Variants in SLC25A48 observed in about 807,000 individuals in gnomAD.
SLC25A48 encodes the protein CTC-321K16.1.
SLC25A48 carries 29 observed loss-of-function variants against 32.2 expected under a neutral mutation model. The ratio of observed to expected loss-of-function variants is 0.90; its 90% CI spans 0.67 to 1.23. The LOEUF (loss-of-function observed/expected upper bound fraction) is 1.23, where lower values mean the gene tolerates loss of function less well. Among genes scored for constraint, SLC25A48 ranks in the 50% most tolerant of loss-of-function variants. SLC25A48 has a pLI of 0.00. For missense variants in SLC25A48, 399 were observed against 422.7 expected (o/e 0.94, Z 0.49); for synonymous variants, 164 against 172.3 (o/e 0.95, Z 0.38).
At chr5:135,831,428 T>C (rs1423317851), upstream of SLC25A48, among the ~76,000 whole-genome samples, 1 of 152,220 alleles carries the variant, frequency 6.6e-6, no homozygotes, top group Non-Finnish European at 1.5e-5. Flanking sequence ...ACAGTCTGGA[T>C]GGGAAGACAA....
intron 3 of SLC25A48, among the ~76,000 whole-genome samples, chr5:135,673,040 T>A (rs915287797): frequency 6.6e-6 from 1 of 152,370 alleles, no homozygotes; most frequent in East Asian, 1.9e-4. Context: ...TTAATATTCC[T>A]CCATGCTATT....
At chr5:135,591,944 C>G (rs1472616407) in intron 1 of SLC25A48, among the ~76,000 whole-genome samples, 1 of 152,180 alleles carries the variant, frequency 6.6e-6, no homozygotes, top group African/African-American at 2.4e-5. Context: ...CTTGGCTGAA[C>G]CTGCCCCCAA....
chr5:135,867,849 G>A (rs975000349), intron 4 of SLC25A48, among the ~76,000 whole-genome samples: 3 of 152,130 alleles, frequency 2.0e-5, no homozygotes, highest in Non-Finnish European at 4.4e-5. Flanking sequence ...ACCACTATTG[G>A]TAGTGCTAGT....
At chr5:135,825,903 G>A (rs1002169886) in intron 4 of SLC25A48, 1 of 152,268 alleles carries the variant, frequency 6.6e-6, no homozygotes, top group Non-Finnish European at 1.5e-5. Context: ...GCCCAGGGCT[G>A]GTGCAGTCAC....
chr5:135,693,361 C>A (rs368812754), intron 3 of SLC25A48, among the ~76,000 whole-genome samples: 2 of 152,028 alleles, frequency 1.3e-5, no homozygotes, highest in East Asian at 1.9e-4. Context: ...GAGCAGTTCT[C>A]CTTGGTAGGG....
intron 3 of SLC25A48, among the ~76,000 whole-genome samples, chr5:135,745,686 T>C (rs946414440): frequency 6.6e-6 from 1 of 152,242 alleles, no homozygotes; most frequent in African/African-American, 2.4e-5. Flanking sequence ...GTTTAGTTGC[T>C]AGCTCACGTG....
intron 1 of SLC25A48, among the ~76,000 whole-genome samples, chr5:135,839,004 C>G (rs908308270): frequency 1.3e-5 from 2 of 152,242 alleles, no homozygotes; most frequent in Admixed American, 1.3e-4. Flanking sequence ...GATCCACTTA[C>G]AGCTTGCACC....
intron 3 of SLC25A48, among the ~76,000 whole-genome samples, chr5:135,763,432 CCCAGCACCCT>C (rs1177928945): frequency 6.6e-6 from 1 of 152,068 alleles, no homozygotes; most frequent in Non-Finnish European, 1.5e-5. Flanking sequence ...GTAGTGGGCA[CCCAGCACCCT>C]CCAGCCAGCC....
chr5:135,879,058 A>G (rs1325165247), intron 6 of SLC25A48, among the ~76,000 whole-genome samples: 1 of 152,196 alleles, frequency 6.6e-6, no homozygotes, highest in Non-Finnish European at 1.5e-5. Context: ...GGAAGATCAT[A>G]GGCAGTGTTT....
intron 3 of SLC25A48, among the ~76,000 whole-genome samples, chr5:135,808,964 T>C (rs754283558): frequency 6.6e-6 from 1 of 152,180 alleles, no homozygotes; most frequent in Non-Finnish European, 1.5e-5. Context: ...ATTTTGTTGC[T>C]ACTCCCACCA....
At chr5:135,626,119 G>A (rs981879403) in intron 1 of SLC25A48, among the ~76,000 whole-genome samples, 1 of 152,220 alleles carries the variant, frequency 6.6e-6, no homozygotes, top group East Asian at 1.9e-4. Context: ...TCAGCATGGC[G>A]AGGCTGGGAC....
At chr5:135,843,236 G>A (rs1224993244) in intron 2 of SLC25A48, among the ~76,000 whole-genome samples, 2 of 152,192 alleles carry the variant, frequency 1.3e-5, no homozygotes, top group East Asian at 3.8e-4. Flanking sequence ...ACCCAGTGCT[G>A]GGAGATGGGC....
chr5:135,814,241 C>T (rs1757661414), intron 4 of SLC25A48, among the ~76,000 whole-genome samples: 1 of 152,188 alleles, frequency 6.6e-6, no homozygotes, highest in Admixed American at 6.5e-5. Flanking sequence ...CTTTGGCTGC[C>T]TCTGCTTGGG....
intron 4 of SLC25A48, among the ~76,000 whole-genome samples, chr5:135,828,244 G>T (rs1012708124): frequency 2.0e-5 from 3 of 152,224 alleles, no homozygotes; most frequent in Non-Finnish European, 4.4e-5. Flanking sequence ...GCCGGCCTTG[G>T]CTGGGAGCTG....
chr5:135,716,968 T>G (rs562020604), intron 3 of SLC25A48, among the ~76,000 whole-genome samples: 1 of 152,240 alleles, frequency 6.6e-6, no homozygotes, highest in South Asian at 2.1e-4. Context: ...TACCGGTTTA[T>G]GTACTATGGG....
intron 3 of SLC25A48, among the ~76,000 whole-genome samples, chr5:135,770,026 A>G (rs1010919257): frequency 2.0e-5 from 3 of 151,486 alleles, no homozygotes; most frequent in Non-Finnish European, 3.0e-5. Flanking sequence ...AAAGAATGAT[A>G]TTACTCCCAA....
At chr5:135,854,037 A>T (rs1760109856) in intron 4 of SLC25A48, among the ~76,000 whole-genome samples, 1 of 152,238 alleles carries the variant, frequency 6.6e-6, no homozygotes, top group South Asian at 2.1e-4. Context: ...GTCAATGAGC[A>T]GTAATATTTT....
intron 3 of SLC25A48, among the ~76,000 whole-genome samples, chr5:135,740,960 C>G (rs751274055): frequency 6.6e-6 from 1 of 152,194 alleles, no homozygotes; most frequent in Non-Finnish European, 1.5e-5. Context: ...AAACTCATCT[C>G]TAAGGCAGAT....
chr5:135,755,699 C>T (rs1481265957), intron 3 of SLC25A48, among the ~76,000 whole-genome samples: 1 of 151,240 alleles, frequency 6.6e-6, no homozygotes, highest in Non-Finnish European at 1.5e-5. Flanking sequence ...TGTGGTATTT[C>T]TTATATCTAG....
Sources: allele counts gnomAD v4.1 joint callset (sites outside exome capture counted in the v4.1 genomes callset), GRCh38; gene constraint gnomAD v4.1.1; transcripts MANE v1.5; gene names NCBI Gene and HGNC (gene_info 2026-07-23, HGNC 2026-07-21).